The following TRIM68 variants were observed in gnomAD, a reference collection of about 807,000 sequenced individuals.
TRIM68 encodes the protein E3 ubiquitin-protein ligase TRIM68.
In TRIM68, 36 loss-of-function variants were observed where a neutral mutation model predicts 41.9. The observed-to-expected ratio is 0.86, with a 90% CI of 0.66 to 1.14. TRIM68 has a LOEUF of 1.14. Among genes scored for constraint, TRIM68 ranks in the 50% most tolerant of loss-of-function variants. TRIM68 has a pLI of 0.00. For missense variants in TRIM68, 632 were observed against 605.1 expected (o/e 1.04, Z -0.47); for synonymous variants, 225 against 224.6 (o/e 1.00, Z -0.02).
In TRIM68 at chr11:4,600,215, CTCCAAGCCCCA is replaced by C; in HGVS notation, c.*50_*60del. The C allele has an allele frequency of 6.7e-7, 1 of 1,486,012 alleles. No homozygotes were observed. The highest frequency in any genetic ancestry group is 2.6e-4 in the Middle Eastern group (1 of 3,900). 92.1% of individuals were successfully genotyped at this position (1,486,012 alleles called of 1,614,324 possible). On this transcript the variant is annotated 3_prime_UTR_variant, in exon 7 of 7. Transcript: ENST00000300747. ...GGGGATACCTGTCAGTGGCTCGGTC[CTCCAAGCCCCA>C]TGGGGGCCAGGCCCAATTCCAAGCC...
At chr11:4,603,416 C>A (rs1846523324) in intron 2 of TRIM68, 76 bp from the exon 3 acceptor site, 2 of 1,369,758 alleles carry the variant, frequency 1.5e-6, no homozygotes, top group South Asian at 2.4e-5. Flanking sequence ...ATGGGAGAAC[C>A]AGAGTCCTTC....
In TRIM68 at chr11:4,599,722, CA is replaced by C. The variant is rs1263720757; in HGVS notation, c.*553del. On this transcript the variant is annotated 3_prime_UTR_variant, in exon 7 of 7. Coordinates refer to ENST00000300747, the MANE Select transcript of TRIM68 (RefSeq NM_018073.8). ...TGGGCAGGTCTGTGTCCCCCTGCTG[CA>C]CTGAATTTCTCTTGCCAGGAGGTCA... 1 of 152,510 alleles carries C rather than the reference CA, an allele frequency of 6.6e-6. No individual in the cohort carries two copies. Among genetic ancestry groups the C allele is most frequent in the African/African-American group, 2.4e-5 (1 of 41,446 alleles). 9.4% of individuals were successfully genotyped at this position (152,510 alleles called of 1,614,324 possible).
intron 4 of TRIM68, 105 bp from the exon 5 acceptor site, chr11:4,601,791 C>A: frequency 7.6e-7 from 1 of 1,316,830 alleles, no homozygotes. Context: ...AGACAGATAC[C>A]AAGAATGGAG....
At chr11:4,602,817 A>G (rs1036182057) in intron 3 of TRIM68, among the ~76,000 whole-genome samples, 5 of 152,182 alleles carry the variant, frequency 3.3e-5, no homozygotes, top group Non-Finnish European at 7.3e-5. Context: ...CTTTCTGTTG[A>G]TCAAAAGTTC....
At position 4,605,517 on chromosome 11, in the gene TRIM68, C is replaced by G. The variant is rs767342683; in HGVS notation, c.-13G>C. 6.3e-7 allele frequency: 1 copy of G among 1,594,610 alleles called. No individual in the cohort carries two copies. The highest frequency in any genetic ancestry group is 1.7e-5 in the Admixed American group (1 of 59,044). The stretch of plus-strand genomic sequence containing the variant: ...CTGTGGGATCCATGGTTCCTTCTCA[C>G]ACCCTCCTCAGAACATGAATGAAAC... On this transcript the variant is annotated 5_prime_UTR_variant, in exon 2 of 7. Transcript: ENST00000300747.
In TRIM68 at chr11:4,599,618, AG is replaced by A. The variant is rs1846449046; in HGVS notation, c.*657del. 1 of 152,254 alleles carries A rather than the reference AG, an allele frequency of 6.6e-6. No homozygotes were observed. Among genetic ancestry groups the A allele is most frequent in the South Asian group, 2.1e-4 (1 of 4,832 alleles). 9.4% of individuals were successfully genotyped at this position (152,254 alleles called of 1,614,324 possible). On this transcript the variant is annotated 3_prime_UTR_variant, in exon 7 of 7. Coordinates refer to ENST00000300747, the MANE Select transcript of TRIM68 (RefSeq NM_018073.8). The stretch of plus-strand genomic sequence containing the variant: ...CCACTTAGAGAAAAAAGGCAAGACT[AG>A]GACACTGGTCTCCTGGAGTCCAAGG...
intron 5 of TRIM68, chr11:4,601,373 T>A (rs1846487584): frequency 1.7e-6 from 1 of 594,390 alleles, no homozygotes; most frequent in Non-Finnish European, 3.0e-6. Context: ...GTGCACACAT[T>A]TTCTGTCGGA....
At chr11:4,604,795 C>A (rs1194486345) in intron 2 of TRIM68, among the ~76,000 whole-genome samples, 6 of 152,222 alleles carry the variant, frequency 3.9e-5, no homozygotes, top group African/African-American at 1.4e-4. Context: ...TCAGTTAAAA[C>A]CCAAACTGTT....
At chr11:4,601,955 C>A in intron 4 of TRIM68, 197 bp downstream of exon 4, 1 of 829,408 alleles carries the variant, frequency 1.2e-6, no homozygotes, top group Non-Finnish European at 1.9e-6. Flanking sequence ...ACTGCCCCAC[C>A]TATGATGCTA....
chr11:4,601,350 G>A, intron 5 of TRIM68: 2 of 595,592 alleles, frequency 3.4e-6, no homozygotes, highest in Non-Finnish European at 6.0e-6. Context: ...ATTTGATTCT[G>A]GGAGAGGAAG....
Position 4,605,373 on chromosome 11 carries a change from C to A in TRIM68, c.132G>T (p.Trp44Cys), listed in dbSNP as rs1404460690. Residue 44 changes from tryptophan (W) to cysteine (C), a missense_variant, in exon 2 of 7, where the codon TGG becomes TGT. Trp to Cys is a radical substitution (Grantham distance 215). Transcript: ENST00000300747. ...SFCHSCLSGL[W>C]EIPGESQNWG... ...AGTTCTGGGATTCTCCTGGGATCTC[C>A]CAGAGTCCAGAGAGACAGCTGTGGC... 1 of 1,614,056 alleles carries A rather than the reference C, an allele frequency of 6.2e-7. No individual in the cohort carries two copies. The highest frequency in any genetic ancestry group is 8.5e-7 in the Non-Finnish European group (1 of 1,180,048).
At chr11:4,606,762 T>C (rs1846576340) in intron 1 of TRIM68, among the ~76,000 whole-genome samples, 1 of 152,224 alleles carries the variant, frequency 6.6e-6, no homozygotes, top group African/African-American at 2.4e-5. Context: ...CCATCTATCT[T>C]GGGCAAATTT....
At chr11:4,604,948 C>T in intron 2 of TRIM68, 131 bp downstream of exon 2, 2 of 954,142 alleles carry the variant, frequency 2.1e-6, no homozygotes, top group Non-Finnish European at 1.5e-6. Flanking sequence ...TATCAGATTC[C>T]AGGGATCTCT....
rs760798555 is a variant in TRIM68 at position 4,600,483 on chromosome 11, C to A, written c.1251G>T (p.Pro417=). The part of the protein sequence containing the change: ...GTDEYPILSL[P]VPPRRVGIFV... ...AGATTCCCACCCGGCGAGGAGGGACCGGCAAGGACAGGATTGGGTACTCAT... is the reference window on the plus strand; with the variant it reads ...AGATTCCCACCCGGCGAGGAGGGACAGGCAAGGACAGGATTGGGTACTCAT... The change falls in exon 7 of 7, where the codon CCG becomes CCT. Residue 417 remains proline, a synonymous_variant. Coordinates refer to ENST00000300747, the MANE Select transcript of TRIM68 (RefSeq NM_018073.8). 2 of 1,613,164 alleles carry A rather than the reference C, an allele frequency of 1.2e-6. No individual in the cohort carries two copies. Among genetic ancestry groups the A allele is most frequent in the Non-Finnish European group, 8.5e-7 (1 of 1,179,586 alleles).
intron 1 of TRIM68, 55 bp from the exon 2 acceptor site, chr11:4,605,616 AG>A: frequency 9.4e-7 from 1 of 1,065,034 alleles, no homozygotes; most frequent in Non-Finnish European, 1.3e-6. Context: ...AGGAACAGAG[AG>A]ATCAGTAACA....
intron 5 of TRIM68, 107 bp from the exon 6 acceptor site, chr11:4,601,234 C>T: frequency 1.2e-6 from 1 of 846,744 alleles, no homozygotes; most frequent in Non-Finnish European, 2.0e-6. Flanking sequence ...TGAACCCCAG[C>T]AAAGCAGAGA....
intron 2 of TRIM68, 119 bp downstream of exon 2, chr11:4,604,960 G>T: frequency 1.9e-6 from 2 of 1,060,736 alleles, no homozygotes; most frequent in South Asian, 1.6e-5. Flanking sequence ...GGGATCTCTG[G>T]GTGTCAGGAA....
At chr11:4,605,991 C>T (rs1476051762) in intron 1 of TRIM68, among the ~76,000 whole-genome samples, 1 of 152,200 alleles carries the variant, frequency 6.6e-6, no homozygotes, top group East Asian at 1.9e-4. Flanking sequence ...TTTATATTTA[C>T]ATTAATATAA....
chr11:4,605,772 T>C (rs1846560596), intron 1 of TRIM68, among the ~76,000 whole-genome samples: 1 of 152,196 alleles, frequency 6.6e-6, no homozygotes, highest in Non-Finnish European at 1.5e-5. Context: ...TGGGGATGCC[T>C]AAGTGAGTGA....
Sources: gnomAD v4.1 joint callset for allele counts (sites outside exome capture counted in the v4.1 genomes callset) on GRCh38, gnomAD v4.1.1 for gene constraint, MANE v1.5 for transcripts, NCBI Gene and HGNC (gene_info 2026-07-23, HGNC 2026-07-21) for gene names.